The following ANKRD30A variants were observed in gnomAD, a reference collection of about 807,000 sequenced individuals.
ANKRD30A encodes ankyrin repeat domain-containing protein 30A.
In ANKRD30A, 170 loss-of-function variants were observed where a neutral mutation model predicts 166.3. That is an observed-to-expected ratio of 1.02 (90% confidence interval 0.90 to 1.16). The LOEUF (loss-of-function observed/expected upper bound fraction) is 1.16, where lower values mean the gene tolerates loss of function less well. ANKRD30A is among the 50% of genes most tolerant of loss of function. The pLI, the probability that ANKRD30A is intolerant of heterozygous loss-of-function variation, is 0.00. For synonymous variants in ANKRD30A, 564 were observed against 508.9 expected (o/e 1.11, Z -1.46); for missense variants, 1,630 against 1,518.0 (o/e 1.07, Z -1.23).
At chr10:37,241,381 T>C in the ANKRD30A span, 1 of 151,090 alleles carries the variant, frequency 6.6e-6, no homozygotes, top group Non-Finnish European at 1.5e-5. Flanking sequence ...ATAAAACATA[T>C]AAAATTTTTT....
rs560391804 is a variant in ANKRD30A at position 37,219,204 on chromosome 10, T to C, written c.3492T>C (p.Tyr1164=). The change falls in exon 34 of 36, where the codon TAT becomes TAC. Residue 1164 remains tyrosine, a synonymous_variant. Coordinates refer to ENST00000361713, the MANE Select transcript of ANKRD30A (RefSeq NM_052997.3). The stretch of plus-strand genomic sequence containing the variant: ...CATTAACTAAAAGGGCATCTCAATA[T>C]AGTGGGCAGCTTAAAGTTCTGATAG... ...EESLTKRASQ[Y]SGQLKVLIAE... 3 of 1,610,716 alleles carry C rather than the reference T, an allele frequency of 1.9e-6. No individual in the cohort carries two copies. The highest frequency in any genetic ancestry group is 1.1e-5 in the South Asian group (1 of 91,012).
At position 37,129,888 on chromosome 10, in the gene ANKRD30A, C is replaced by T. The variant is rs775423794; in HGVS notation, c.222-5C>T. On this transcript the variant is annotated splice_region_variant and splice_polypyrimidine_tract_variant and intron_variant, in intron 1 of 35. Coordinates refer to ENST00000361713, the MANE Select transcript of ANKRD30A (RefSeq NM_052997.3). ...CTTTGCCAAAAAGTCCTCTCACTCTCGTAGGACTGCTCTACACTGGGCCTG... is the reference window on the plus strand; with the variant it reads ...CTTTGCCAAAAAGTCCTCTCACTCTTGTAGGACTGCTCTACACTGGGCCTG... The T allele has an allele frequency of 2.2e-5, 32 of 1,472,514 alleles. No homozygotes were observed. Among genetic ancestry groups the T allele is most frequent in the Middle Eastern group, 1.8e-4 (1 of 5,502 alleles). The allele number at this position is 1,472,514 out of a possible 1,614,324, so 91.2% of individuals were successfully genotyped here.
At chr10:37,196,873 A>G (rs555541877) in intron 27 of ANKRD30A, among the ~76,000 whole-genome samples, 61 of 152,344 alleles carry the variant, frequency 4.0e-4, no homozygotes, top group African/African-American at 1.4e-3. Context: ...TTGTACATTC[A>G]GCTGAACTCT....
chr10:37,178,251 G>A (rs1839890159), intron 24 of ANKRD30A, among the ~76,000 whole-genome samples: 1 of 151,258 alleles, frequency 6.6e-6, no homozygotes, highest in Non-Finnish European at 1.5e-5. Context: ...CTGGTGGGAA[G>A]CCATTAGGGA....
At chr10:37,153,721 G>A in intron 13 of ANKRD30A, 59 bp downstream of exon 13, 2 of 1,600,120 alleles carry the variant, frequency 1.2e-6, no homozygotes, top group Non-Finnish European at 1.7e-6. Context: ...AACTGATGAG[G>A]AGGGATATCC....
intron 30 of ANKRD30A, among the ~76,000 whole-genome samples, chr10:37,200,328 A>C (rs1275630486): frequency 6.6e-6 from 1 of 152,076 alleles, no homozygotes; most frequent in Non-Finnish European, 1.5e-5. Flanking sequence ...GGAGTATAAT[A>C]ACAAGAGTAT....
At chr10:37,224,088 C>T (rs945241197) in intron 34 of ANKRD30A, among the ~76,000 whole-genome samples, 1 of 151,092 alleles carries the variant, frequency 6.6e-6, no homozygotes, top group African/African-American at 2.4e-5. Context: ...CAAACTGAAA[C>T]TTTTTTTGAA....
At position 37,193,187 on chromosome 10, in the gene ANKRD30A, C is replaced by T. The variant is rs367881405; in HGVS notation, c.2543C>T (p.Ala848Val). Reference sequence around the variant, plus strand: ...TGTTTTGTTTCTAAACCCATTTAGGCTCCCTGCAGAATGAAAGTTTCTATT... The same window carrying T: ...TGTTTTGTTTCTAAACCCATTTAGGTTCCCTGCAGAATGAAAGTTTCTATT... ...ESPDNDGFLK[A>V]PCRMKVSIPT... Residue 848 changes from alanine (A) to valine (V), a missense_variant and splice_region_variant, in exon 27 of 36, where the codon GCT becomes GTT. Ala to Val is a moderately conservative substitution (Grantham distance 64, BLOSUM62 0). Around this residue, in one of 4 missense-constraint regions of ANKRD30A, gnomAD observed 712 missense variants for 629.3 expected, o/e 1.13. Coordinates refer to ENST00000361713, the MANE Select transcript of ANKRD30A (RefSeq NM_052997.3). 2 of 1,611,752 alleles carry T rather than the reference C, an allele frequency of 1.2e-6. No homozygotes were observed. Among genetic ancestry groups the T allele is most frequent in the Non-Finnish European group, 1.7e-6 (2 of 1,179,298 alleles).
rs907634175 is a variant in ANKRD30A, at chr10:37,162,922, A to G, written c.2002+74A>G. 1.2e-5 allele frequency: 18 copies of G among 1,538,120 alleles called. No individual in the cohort carries two copies. In the African/African-American group the frequency reaches 1.4e-4, roughly 12 times the overall value. On this transcript the variant is annotated intron_variant, in intron 17 of 35. Coordinates refer to ENST00000361713, the MANE Select transcript of ANKRD30A (RefSeq NM_052997.3). Reference sequence around the variant, plus strand: ...CATTTTGATGGTCTTTCTGTACCCAATGGTTTATTTTTTTCAACTTTGATG... The same window carrying G: ...CATTTTGATGGTCTTTCTGTACCCAGTGGTTTATTTTTTTCAACTTTGATG...
chr10:37,159,867 T>C (rs1327069166), intron 15 of ANKRD30A, among the ~76,000 whole-genome samples: 2 of 152,120 alleles, frequency 1.3e-5, no homozygotes, highest in Non-Finnish European at 2.9e-5. Context: ...GCTAATGTTT[T>C]GTGTTTTTAG....
rs1162168976 is a variant in ANKRD30A at position 37,196,092 on chromosome 10, TA to T, written c.2615-1188del. Among the ~76,000 whole-genome samples, 36 of 117,032 alleles carry T rather than the reference TA, an allele frequency of 3.1e-4. No individual in the cohort carries two copies. The East Asian group carries it at 5.9e-3, about 19-fold the overall frequency. The allele number at this position is 117,032 out of a possible 152,430, so 76.8% of individuals were successfully genotyped here. A position where few individuals can be genotyped will look rare whatever the true frequency, so the allele number is the denominator to read the frequency against. On this transcript the variant is annotated intron_variant, in intron 27 of 35. Transcript: ENST00000361713. ...GAGTTAGAGGTTTTTTTATATTTTC[TA>T]TTTTTTTTTTTTTTTTTTTGTAGTA...
chr10:37,205,455 G>C (rs879681967), intron 31 of ANKRD30A, among the ~76,000 whole-genome samples: 1 of 151,700 alleles, frequency 6.6e-6, no homozygotes, highest in Non-Finnish European at 1.5e-5. Flanking sequence ...GTCATGGGGT[G>C]GGGGGAGGTG....
intron 6 of ANKRD30A, among the ~76,000 whole-genome samples, chr10:37,137,684 C>CT (rs1265710175): frequency 6.6e-6 from 1 of 152,156 alleles, no homozygotes; most frequent in African/African-American, 2.4e-5. Flanking sequence ...GGGAGGGACG[C>CT]TTACCATTGC....
rs575389563 is a variant in ANKRD30A, at chr10:37,218,009, T to TC, written c.3267+132dup. The TC allele has an allele frequency of 2.2e-4, 123 of 565,110 alleles. 1 individual carries two copies. The South Asian group carries it at 5.1e-3, about 23-fold the overall frequency. 35.0% of individuals were successfully genotyped at this position (565,110 alleles called of 1,614,324 possible). A position where few individuals can be genotyped will look rare whatever the true frequency, so the allele number is the denominator to read the frequency against. On this transcript the variant is annotated intron_variant, in intron 33 of 35. Coordinates refer to ENST00000361713, the MANE Select transcript of ANKRD30A (RefSeq NM_052997.3). Reference sequence around the variant, plus strand: ...AAAAATGTTGTCTTAAAATTAACTATCACATTTGTAGCTACAGTTATTTAT... The same window carrying TC: ...AAAAATGTTGTCTTAAAATTAACTATCCACATTTGTAGCTACAGTTATTTAT...
chr10:37,247,937 G>C, the ANKRD30A span, among the ~76,000 whole-genome samples: 3 of 151,412 alleles, frequency 2.0e-5, no homozygotes, highest in African/African-American at 7.3e-5. Flanking sequence ...TAATACCTGG[G>C]TGATGAAATA....
the ANKRD30A span, among the ~76,000 whole-genome samples, chr10:37,265,606 G>T: frequency 4.6e-5 from 7 of 152,220 alleles, no homozygotes; most frequent in Non-Finnish European, 8.8e-5. Context: ...CCTCCTTCCA[G>T]ATCAAGGCCA....
chr10:37,231,607 T>C lies in ANKRD30A; in HGVS notation c.*138T>C, dbSNP rs79837024. 6.8e-3 allele frequency: 3,873 copies of C among 567,096 alleles called. 112 individuals carry two copies. Among genetic ancestry groups the C allele is most frequent in the African/African-American group, 0.068 (3,441 of 50,948 alleles). The allele number at this position is 567,096 out of a possible 1,614,324, so 35.1% of individuals were successfully genotyped here. A position where few individuals can be genotyped will look rare whatever the true frequency, so the allele number is the denominator to read the frequency against. On this transcript the variant is annotated 3_prime_UTR_variant, in exon 35 of 36. Transcript: ENST00000361713. ...GTCTGTGTCAACAGAATACTTATTTTAGAAGAAAAATTCATGATTTCTTCC... is the reference window on the plus strand; with the variant it reads ...GTCTGTGTCAACAGAATACTTATTTCAGAAGAAAAATTCATGATTTCTTCC...
At position 37,149,566 on chromosome 10, in the gene ANKRD30A, A is replaced by G. The variant is rs1171234877; in HGVS notation, c.1544-85A>G. ...TCGTTCTCAAAGTCGACCAAGAGGA[A>G]TCAGTTACATACTATGACTGCATTC... On this transcript the variant is annotated intron_variant, in intron 9 of 35. Coordinates refer to ENST00000361713, the MANE Select transcript of ANKRD30A (RefSeq NM_052997.3). 22 of 1,466,726 alleles carry G rather than the reference A, an allele frequency of 1.5e-5. No homozygotes were observed. The Admixed American group carries it at 3.8e-4, about 25-fold the overall frequency. The allele number at this position is 1,466,726 out of a possible 1,614,324, so 90.9% of individuals were successfully genotyped here. A position where few individuals can be genotyped will look rare whatever the true frequency, so the allele number is the denominator to read the frequency against.
chr10:37,190,515 A>G (rs1470544109), intron 25 of ANKRD30A, among the ~76,000 whole-genome samples: 3 of 151,962 alleles, frequency 2.0e-5, no homozygotes, highest in Admixed American at 6.6e-5. Flanking sequence ...AAAGAGTTGG[A>G]AAAAATAATG....
Sources: gnomAD v4.1 joint callset for allele counts (sites outside exome capture counted in the v4.1 genomes callset) on GRCh38, gnomAD v4.1.1 for gene constraint, gnomAD v4.1.1 regional missense constraint, MANE v1.5 for transcripts, NCBI Gene and HGNC (gene_info 2026-07-23, HGNC 2026-07-21) for gene names.